ROBO2: variants seen among roughly 807,000 people sequenced by gnomAD.
ROBO2 encodes roundabout guidance receptor 2.
ROBO2 carries 53 observed loss-of-function variants against 160.8 expected under a neutral mutation model. The observed-to-expected ratio is 0.33, with a 90% CI of 0.26 to 0.41. The LOEUF (loss-of-function observed/expected upper bound fraction) is 0.41, where lower values mean the gene tolerates loss of function less well. Ranked by LOEUF, ROBO2 falls within the 10% of genes least tolerant of loss-of-function variation. ROBO2 has a pLI of 1.00. For missense variants in ROBO2, 1,577 were observed against 1,722.4 expected, an observed-to-expected ratio of 0.92 and a Z score of 1.49; for synonymous variants, 664 against 611.7, an observed-to-expected ratio of 1.09 and a Z score of -1.26.
chr3:77,521,095 G>T (rs372339909), intron 5 of ROBO2, among the ~76,000 whole-genome samples: 4 of 151,320 alleles, frequency 2.6e-5, no homozygotes, highest in African/African-American at 9.7e-5. Context: ...CGTGCTTTTT[G>T]TGTGCCTGTT....
At chr3:75,917,819 G>A (rs1474643189) in intron 1 of ROBO2, among the ~76,000 whole-genome samples, 3 of 152,072 alleles carry the variant, frequency 2.0e-5, no homozygotes, top group African/African-American at 7.2e-5. Context: ...GTGTTTATTG[G>A]CCACATACAT....
chr3:76,537,634 C>A (rs559419166), intron 2 of ROBO2, among the ~76,000 whole-genome samples: 5 of 152,194 alleles, frequency 3.3e-5, no homozygotes, highest in African/African-American at 1.2e-4. Context: ...GACAGGGAAC[C>A]AGTCTCCCGA....
exon 24 of ROBO2, chr3:77,634,875 G>A (rs775676375): frequency 1.9e-6 from 3 of 1,613,940 alleles, no homozygotes; most frequent in South Asian, 2.2e-5. Flanking sequence ...TTTAGGAAAA[G>A]CCTTTACCTC....
intron 2 of ROBO2, among the ~76,000 whole-genome samples, chr3:77,376,763 T>C (rs1305476533): frequency 6.6e-6 from 1 of 152,198 alleles, no homozygotes; most frequent in African/African-American, 2.4e-5. Context: ...TGACAGTATG[T>C]ACTCAACACT....
chr3:75,916,613 C>T (rs1159223656), intron 1 of ROBO2, among the ~76,000 whole-genome samples: 1 of 151,950 alleles, frequency 6.6e-6, no homozygotes, highest in South Asian at 2.1e-4. Context: ...TGCCTACACA[C>T]GTATTCATAC....
chr3:77,442,088 G>A (rs1405285429), intron 2 of ROBO2, among the ~76,000 whole-genome samples: 5 of 152,064 alleles, frequency 3.3e-5, no homozygotes, highest in African/African-American at 4.8e-5. Context: ...CTAGGCAGGC[G>A]GATCACGAGG....
intron 2 of ROBO2, among the ~76,000 whole-genome samples, chr3:77,406,233 C>T (rs931591957): frequency 3.3e-5 from 5 of 152,136 alleles, no homozygotes; most frequent in East Asian, 1.9e-4. Context: ...TGTCATGAGA[C>T]GAGCATGGGG....
At chr3:77,453,482 G>A (rs956766892) in intron 2 of ROBO2, among the ~76,000 whole-genome samples, 1 of 150,276 alleles carries the variant, frequency 6.7e-6, no homozygotes, top group African/African-American at 2.5e-5. Flanking sequence ...TTTTATTTAT[G>A]TTATAGGATA....
At chr3:76,003,713 T>C (rs2065948555) in intron 2 of ROBO2, among the ~76,000 whole-genome samples, 1 of 152,226 alleles carries the variant, frequency 6.6e-6, no homozygotes, top group South Asian at 2.1e-4. Context: ...TCCAAGGTTA[T>C]ACAGGACCAG....
chr3:76,049,295 C>T (rs1380713747), intron 2 of ROBO2, among the ~76,000 whole-genome samples: 8 of 150,784 alleles, frequency 5.3e-5, no homozygotes, highest in South Asian at 4.2e-4. Flanking sequence ...GCTGCAGCCA[C>T]GACCTCTTGG....
At chr3:77,237,610 C>G (rs139954039) in intron 2 of ROBO2, among the ~76,000 whole-genome samples, 35 of 152,278 alleles carry the variant, frequency 2.3e-4, no homozygotes, top group Non-Finnish European at 5.0e-4. Flanking sequence ...GGATGTAACA[C>G]AAGTCCATAT....
intron 2 of ROBO2, among the ~76,000 whole-genome samples, chr3:76,615,853 T>C (rs2088539797): frequency 6.6e-6 from 1 of 152,228 alleles, no homozygotes; most frequent in African/African-American, 2.4e-5. Context: ...CATATGGGTA[T>C]GCAATTCAGT....
At chr3:76,132,651 G>A (rs1424499587) in intron 2 of ROBO2, among the ~76,000 whole-genome samples, 2 of 152,010 alleles carry the variant, frequency 1.3e-5, no homozygotes, top group Admixed American at 1.3e-4. Flanking sequence ...TTGGGGAACT[G>A]GATCCCTGGC....
rs990009512 is a variant in ROBO2 at position 76,249,996 on chromosome 3, T to C, written c.109+312394T>C. 1.7e-4 allele frequency among the ~76,000 whole-genome samples: 26 copies of C among 152,078 alleles called. 1 individual carries two copies. The highest frequency in any genetic ancestry group is 1.5e-3 in the Admixed American group (23 of 15,238). The stretch of plus-strand genomic sequence containing the variant: ...ATGTTGTAAGTTTCCAACAGTAAGA[T>C]AAAGAAAATTTCCCATGTTTATTTA... On this transcript the variant is annotated intron_variant, in intron 2 of 26. Transcript: ENST00000487694.
At chr3:76,002,767 ACTTCTCTGGAATAGCTTTTTC>A (rs909539088) in intron 2 of ROBO2, among the ~76,000 whole-genome samples, 7 of 152,034 alleles carry the variant, frequency 4.6e-5, no homozygotes, top group East Asian at 1.9e-4. Context: ...TAGGAGAGAG[ACTTCTCTGGAATAGCTTTTTC>A]CTTCTCTGGA....
chr3:76,037,132 A>G (rs1307887822), intron 2 of ROBO2, among the ~76,000 whole-genome samples: 1 of 151,916 alleles, frequency 6.6e-6, no homozygotes, highest in East Asian at 1.9e-4. Flanking sequence ...CTAGCTGTAA[A>G]TCCTATTAAA....
At chr3:77,200,194 A>C (rs1261374240) in intron 2 of ROBO2, among the ~76,000 whole-genome samples, 1 of 144,650 alleles carries the variant, frequency 6.9e-6, no homozygotes, top group Non-Finnish European at 1.5e-5. Flanking sequence ...ATGTTTTTCC[A>C]ACATTTTAAA....
intron 2 of ROBO2, among the ~76,000 whole-genome samples, chr3:75,966,616 A>G (rs1392940171): frequency 6.6e-6 from 1 of 151,678 alleles, no homozygotes; most frequent in Non-Finnish European, 1.5e-5. Context: ...TCTCACACAG[A>G]AAAATAGTCA....
chr3:76,857,579 G>A (rs941876622), intron 2 of ROBO2, among the ~76,000 whole-genome samples: 1 of 152,080 alleles, frequency 6.6e-6, no homozygotes, highest in African/African-American at 2.4e-5. Context: ...TTGATGGCCC[G>A]TTGGGTTTCA....
Sources: allele counts gnomAD v4.1 joint callset (sites outside exome capture counted in the v4.1 genomes callset), GRCh38; gene constraint gnomAD v4.1.1; transcripts MANE v1.5; gene names NCBI Gene and HGNC (gene_info 2026-07-23, HGNC 2026-07-21).